The following WAC variants were observed in gnomAD, a reference collection of about 807,000 sequenced individuals.
WAC encodes WW domain-containing adapter protein with coiled-coil.
In WAC, 11 loss-of-function variants were observed where a neutral mutation model predicts 79.6. The observed-to-expected ratio is 0.14, with a 90% CI of 0.09 to 0.23. The LOEUF is 0.23. Among genes scored for constraint, WAC ranks in the 10% least tolerant of loss-of-function variants. The pLI is 1.00. For missense variants in WAC, 728 were observed against 773.5 expected (o/e 0.94, Z 0.70); for synonymous variants, 304 against 276.9 (o/e 1.10, Z -0.97).
At chr10:28,537,905 T>G (rs558572979) in intron 3 of WAC, among the ~76,000 whole-genome samples, 1 of 152,350 alleles carries the variant, frequency 6.6e-6, no homozygotes, top group Non-Finnish European at 1.5e-5. Context: ...TTTTCTGATC[T>G]AATCACTTGC....
chr10:28,597,135 G>GTA (rs981238238), intron 7 of WAC, among the ~76,000 whole-genome samples: 1 of 151,756 alleles, frequency 6.6e-6, no homozygotes, highest in Non-Finnish European at 1.5e-5. Flanking sequence ...ATATACTTTA[G>GTA]TATATATATC....
chr10:28,611,978 A>T, intron 10 of WAC, 56 bp downstream of exon 10: 1 of 1,584,874 alleles, frequency 6.3e-7, no homozygotes, highest in Non-Finnish European at 8.6e-7. Context: ...TGGAAAGTCA[A>T]TAACATTTTA....
chr10:28,607,003 AT>A (rs1368643659), intron 7 of WAC, among the ~76,000 whole-genome samples: 1 of 152,114 alleles, frequency 6.6e-6, no homozygotes, highest in Non-Finnish European at 1.5e-5. Flanking sequence ...TTTATTTTAC[AT>A]TGTCCTGATT....
intron 7 of WAC, among the ~76,000 whole-genome samples, chr10:28,599,147 C>T (rs1329422976): frequency 6.6e-6 from 1 of 152,166 alleles, no homozygotes; most frequent in Non-Finnish European, 1.5e-5. Flanking sequence ...TGACTCTTCT[C>T]ATCAGTAGAT....
intron 3 of WAC, among the ~76,000 whole-genome samples, chr10:28,566,728 C>T (rs2132520962): frequency 6.6e-6 from 1 of 152,280 alleles, no homozygotes; most frequent in Middle Eastern, 3.4e-3. Context: ...AGTCCAAGGT[C>T]AGCCCATTTT....
chr10:28,541,415 G>GTGTTTTTTT (rs1212601285), intron 3 of WAC, among the ~76,000 whole-genome samples: 26 of 37,904 alleles, frequency 6.9e-4, no homozygotes, highest in South Asian at 1.2e-3. Context: ...GTGTGTGTGT[G>GTGTTTTTTT]TTTTGTTTTT....
Position 28,595,952 on chromosome 10 carries a change from A to G in WAC, c.830A>G (p.Lys277Arg). 1 of 1,614,190 alleles carries G rather than the reference A, an allele frequency of 6.2e-7. No individual in the cohort carries two copies. Among genetic ancestry groups the G allele is most frequent in the Non-Finnish European group, 8.5e-7 (1 of 1,180,026 alleles). ...PFTLQSDHQP[K>R]KSFDANGAST... ...ACGCTACAGTCTGATCACCAGCCAAAGAAATCATTTGATGCTAATGGAGCA... is the reference window on the plus strand; with the variant it reads ...ACGCTACAGTCTGATCACCAGCCAAGGAAATCATTTGATGCTAATGGAGCA... Residue 277 changes from lysine to arginine, a missense_variant, in exon 7 of 14, where the codon AAG becomes AGG. Physicochemically the swap from Lys to Arg is conservative, Grantham distance 26 (BLOSUM62 2). Around this residue, in one of 3 missense-constraint regions of WAC, gnomAD observed 648 missense variants for 661.5 expected, o/e 0.98. Transcript: ENST00000354911.
At chr10:28,576,840 A>C (rs966487610) in intron 3 of WAC, among the ~76,000 whole-genome samples, 27 of 152,142 alleles carry the variant, frequency 1.8e-4, no homozygotes, top group African/African-American at 5.8e-4. Flanking sequence ...CTGGAATTTC[A>C]ATTATATTTA....
chr10:28,601,356 A>G (rs572258454), intron 7 of WAC, among the ~76,000 whole-genome samples: 1 of 152,274 alleles, frequency 6.6e-6, no homozygotes, highest in South Asian at 2.1e-4. Flanking sequence ...CAAAAGCCAT[A>G]ATGAAATACC....
At chr10:28,535,325 A>C in intron 2 of WAC, 1 of 367,152 alleles carries the variant, frequency 2.7e-6, no homozygotes, top group Non-Finnish European at 4.8e-6. Flanking sequence ...TTTATAAGAT[A>C]ATGGAGTGGG....
Position 28,535,619 on chromosome 10 carries a change from A to C in WAC, c.136A>C (p.Met46Leu). Reference sequence around the variant, plus strand: ...TAGCGGTGATCACAGACATGAAAAGATGCGAGACGCCGGAGATCCTTCACC... The same window carrying C: ...TAGCGGTGATCACAGACATGAAAAGCTGCGAGACGCCGGAGATCCTTCACC... ...PSSGDHRHEK[M>L]RDAGDPSPPN... The change falls in exon 3 of 14, where the codon ATG becomes CTG. Residue 46 changes from methionine (M) to leucine (L), a missense_variant. Physicochemically the swap from Met to Leu is conservative, Grantham distance 15. Coordinates refer to ENST00000354911, the MANE Select transcript of WAC (RefSeq NM_016628.5). 6.2e-7 allele frequency: 1 copy of C among 1,614,134 alleles called. No individual in the cohort carries two copies. Among genetic ancestry groups the C allele is most frequent in the South Asian group, 1.1e-5 (1 of 91,084 alleles).
chr10:28,570,432 A>G (rs1367178375), intron 3 of WAC, among the ~76,000 whole-genome samples: 4 of 152,146 alleles, frequency 2.6e-5, no homozygotes, highest in Non-Finnish European at 5.9e-5. Context: ...ATCTGCAGAC[A>G]CTCTCTGTAT....
chr10:28,558,372 G>T (rs1400118080), intron 3 of WAC, among the ~76,000 whole-genome samples: 1 of 152,096 alleles, frequency 6.6e-6, no homozygotes, highest in Non-Finnish European at 1.5e-5. Flanking sequence ...CAGAAGCAGC[G>T]CAAAGAAATT....
At chr10:28,582,662 T>C (rs1483208210) in intron 3 of WAC, among the ~76,000 whole-genome samples, 1 of 152,248 alleles carries the variant, frequency 6.6e-6, no homozygotes, top group Non-Finnish European at 1.5e-5. Context: ...ATTAGACTTC[T>C]GTGGTGAACC....
intron 3 of WAC, among the ~76,000 whole-genome samples, chr10:28,541,418 TTG>T (rs754159785): frequency 0.19 from 8,625 of 45,342 alleles, 1,871 homozygotes; most frequent in African/African-American, 0.37. Context: ...TGTGTGTGTT[TTG>T]TTTTTTTTTT....
chr10:28,566,425 C>T (rs1352462807), intron 3 of WAC, among the ~76,000 whole-genome samples: 1 of 152,162 alleles, frequency 6.6e-6, no homozygotes, highest in Non-Finnish European at 1.5e-5. Context: ...ACATGGTAAT[C>T]AGAGTGGCTA....
At chr10:28,584,442 A>T (rs933774950) in intron 4 of WAC, among the ~76,000 whole-genome samples, 1 of 152,226 alleles carries the variant, frequency 6.6e-6, no homozygotes, top group Non-Finnish European at 1.5e-5. Context: ...ATATCATAAG[A>T]AGCTCTATGT....
intron 3 of WAC, among the ~76,000 whole-genome samples, chr10:28,565,992 G>C (rs1029237396): frequency 1.3e-5 from 2 of 152,044 alleles, no homozygotes; most frequent in Non-Finnish European, 2.9e-5. Flanking sequence ...TTATACCAAA[G>C]TTTCATACTT....
intron 3 of WAC, among the ~76,000 whole-genome samples, chr10:28,576,202 A>G (rs535137060): frequency 1.3e-5 from 2 of 152,348 alleles, no homozygotes; most frequent in African/African-American, 2.4e-5. Flanking sequence ...ATATATACAT[A>G]ATAACATATA....
Sources: gnomAD v4.1 joint callset for allele counts (sites outside exome capture counted in the v4.1 genomes callset) on GRCh38, gnomAD v4.1.1 for gene constraint, gnomAD v4.1.1 regional missense constraint, MANE v1.5 for transcripts, NCBI Gene and HGNC (gene_info 2026-07-23, HGNC 2026-07-21) for gene names.